The following SOX6 variants were observed in gnomAD, a reference collection of about 807,000 sequenced individuals.
The protein encoded by SOX6 is transcription factor SOX-6.
A neutral mutation model predicts 97.8 loss-of-function variants in SOX6; 11 were observed. The ratio of observed to expected loss-of-function variants is 0.11; its 90% CI spans 0.07 to 0.19. The LOEUF (loss-of-function observed/expected upper bound fraction) is 0.19. SOX6 is among the 10% of genes least tolerant of loss of function. The probability of loss-of-function intolerance (pLI) is 1.00; values close to 1 mark genes in which losing one functional copy is unlikely to be tolerated. For missense variants in SOX6, 810 were observed against 1,039.5 expected, an observed-to-expected ratio of 0.78 and a Z score of 3.04; for synonymous variants, 360 against 371.4, an observed-to-expected ratio of 0.97 and a Z score of 0.35.
intron 4 of SOX6, among the ~76,000 whole-genome samples, chr11:16,482,315 A>G (rs1860358083): frequency 1.3e-5 from 2 of 152,336 alleles, no homozygotes; most frequent in South Asian, 2.1e-4. Context: ...TCTTTTAGCC[A>G]TGCATGACTT....
intron 4 of SOX6, among the ~76,000 whole-genome samples, chr11:16,217,102 C>T (rs745943809): frequency 3.9e-5 from 6 of 152,180 alleles, no homozygotes; most frequent in Non-Finnish European, 8.8e-5. Flanking sequence ...CATGGTCGTG[C>T]CCATTTCATT....
intron 3 of SOX6, among the ~76,000 whole-genome samples, chr11:16,637,766 T>C (rs1406700088): frequency 6.6e-6 from 1 of 152,128 alleles, no homozygotes. Context: ...CCTTAAAATA[T>C]ATTTCTCAAG....
At chr11:16,156,606 T>G (rs185742276) in intron 6 of SOX6, among the ~76,000 whole-genome samples, 1 of 152,022 alleles carries the variant, frequency 6.6e-6, no homozygotes, top group East Asian at 1.9e-4. Context: ...TGTATTTACA[T>G]GATCTGTCCA....
At position 16,232,975 on chromosome 11, in the gene SOX6, G is replaced by A. The variant is rs751680497; in HGVS notation, c.535+1607C>T. Among the ~76,000 whole-genome samples, 4 of 151,916 alleles carry A rather than the reference G, an allele frequency of 2.6e-5. No homozygotes were observed. The South Asian group carries it at 6.2e-4, about 24-fold the overall frequency. On this transcript the variant is annotated intron_variant, in intron 4 of 15. Coordinates refer to ENST00000683767, the MANE Select transcript of SOX6 (RefSeq NM_001367873.1). ...ATAATATCCAATTTCCACTGGTTTC[G>A]ATACATAATTAGTTAATGCAATGAT...
At chr11:16,383,978 A>C (rs1225195110) in intron 1 of SOX6, among the ~76,000 whole-genome samples, 2 of 152,010 alleles carry the variant, frequency 1.3e-5, no homozygotes, top group Admixed American at 6.6e-5. Flanking sequence ...CAATGTAGAG[A>C]TAAATAGCCT....
chr11:16,145,394 A>G (rs2134047017), intron 6 of SOX6, among the ~76,000 whole-genome samples: 1 of 152,340 alleles, frequency 6.6e-6, no homozygotes, highest in East Asian at 1.9e-4. Flanking sequence ...AGCCAATATA[A>G]TACTGAATGG....
intron 4 of SOX6, among the ~76,000 whole-genome samples, chr11:16,582,780 T>C (rs1213741923): frequency 2.0e-5 from 3 of 152,090 alleles, no homozygotes; most frequent in African/African-American, 7.2e-5. Flanking sequence ...ATAGAAAATA[T>C]GAATAGACCA....
At chr11:16,615,435 G>A (rs1590011146) in intron 3 of SOX6, among the ~76,000 whole-genome samples, 1 of 152,108 alleles carries the variant, frequency 6.6e-6, no homozygotes, top group African/African-American at 2.4e-5. Flanking sequence ...GCCAGGGTAG[G>A]AATTAAACAA....
chr11:16,152,570 CTG>C (rs1850486057), intron 6 of SOX6, among the ~76,000 whole-genome samples: 3 of 152,156 alleles, frequency 2.0e-5, no homozygotes, highest in African/African-American at 4.8e-5. Flanking sequence ...GGCTACTGAT[CTG>C]AACTACCATG....
At chr11:16,499,280 AC>A (rs1860661183) in intron 4 of SOX6, among the ~76,000 whole-genome samples, 1 of 152,240 alleles carries the variant, frequency 6.6e-6, no homozygotes, top group Non-Finnish European at 1.5e-5. Context: ...GACACAACAT[AC>A]CAGAATCTCT....
At position 15,982,453 on chromosome 11, in the gene SOX6, G is replaced by T. The variant is rs1197181852; in HGVS notation, c.2183+3751C>A. ...GTAGCCCCAAATTTAATATTTTATA[G>T]TAGTTTTACATCTGTATCATGGGGG... is the stretch of plus-strand genomic sequence containing the variant. On this transcript the variant is annotated intron_variant, in intron 15 of 15. Coordinates refer to ENST00000683767, the MANE Select transcript of SOX6 (RefSeq NM_001367873.1). 2.0e-5 allele frequency among the ~76,000 whole-genome samples: 3 copies of T among 151,912 alleles called. No homozygotes were observed. The East Asian group carries it at 5.8e-4, about 29-fold the overall frequency.
At chr11:16,520,024 T>C (rs1815087926) in intron 4 of SOX6, among the ~76,000 whole-genome samples, 1 of 152,242 alleles carries the variant, frequency 6.6e-6, no homozygotes, top group Non-Finnish European at 1.5e-5. Context: ...TTCATGTCCT[T>C]TGCCCAAATT....
chr11:16,086,245 T>G (rs2133961591), intron 9 of SOX6, among the ~76,000 whole-genome samples: 1 of 152,310 alleles, frequency 6.6e-6, no homozygotes, highest in South Asian at 2.1e-4. Flanking sequence ...ATAAAGCTCT[T>G]TAATACTCTA....
At chr11:16,118,248 C>T (rs1014616243) in intron 6 of SOX6, among the ~76,000 whole-genome samples, 20 of 152,226 alleles carry the variant, frequency 1.3e-4, no homozygotes, top group African/African-American at 4.8e-4. Flanking sequence ...CAAAGCACAA[C>T]TGTCCATTAA....
At chr11:16,318,797 A>C in intron 2 of SOX6, 144 bp from the exon 3 acceptor site, 1 of 609,328 alleles carries the variant, frequency 1.6e-6, no homozygotes, top group South Asian at 2.3e-5. Flanking sequence ...CAAGTAACTT[A>C]GTAGGACAAA....
intron 6 of SOX6, among the ~76,000 whole-genome samples, chr11:16,162,682 C>G (rs1850782813): frequency 6.6e-6 from 1 of 152,212 alleles, no homozygotes; most frequent in Non-Finnish European, 1.5e-5. Flanking sequence ...CCTGCAGAAC[C>G]ATGAGCCTTT....
chr11:16,068,293 T>C (rs2133938665), intron 9 of SOX6, among the ~76,000 whole-genome samples: 2 of 152,258 alleles, frequency 1.3e-5, no homozygotes, highest in African/African-American at 4.8e-5. Context: ...CAAGTTAAGC[T>C]GTGAGAAAGT....
intron 9 of SOX6, among the ~76,000 whole-genome samples, chr11:16,059,082 C>G (rs147403654): frequency 6.6e-6 from 1 of 152,042 alleles, no homozygotes; most frequent in Non-Finnish European, 1.5e-5. Flanking sequence ...TAGGTATCAG[C>G]TTTCTCTTTT....
chr11:16,018,252 T>C (rs1412701233), intron 12 of SOX6, among the ~76,000 whole-genome samples: 10 of 152,218 alleles, frequency 6.6e-5, no homozygotes, highest in Admixed American at 5.2e-4. Context: ...TGATGACAGA[T>C]AGACTGCTGT....
Sources: allele counts gnomAD v4.1 joint callset (sites outside exome capture counted in the v4.1 genomes callset), GRCh38; gene constraint gnomAD v4.1.1; transcripts MANE v1.5; gene names NCBI Gene and HGNC (gene_info 2026-07-23, HGNC 2026-07-21).